Variants in HYDIN observed in about 807,000 individuals in gnomAD.
HYDIN encodes the protein HYDIN axonemal central pair apparatus protein, also known as axonemal central pair apparatus protein HYDIN.
HYDIN carries 132 observed loss-of-function variants against 403.9 expected under a neutral mutation model. That is an observed-to-expected ratio of 0.33 (90% CI 0.28 to 0.38). The LOEUF (loss-of-function observed/expected upper bound fraction) is 0.38, where lower values mean the gene tolerates loss of function less well. Among genes scored for constraint, HYDIN ranks in the 10% least tolerant of loss-of-function variants. The pLI, the probability that HYDIN is intolerant of heterozygous loss-of-function variation, is 1.00. For missense variants in HYDIN, 2,827 were observed against 5,009.5 expected (o/e 0.56, Z 13.15); for synonymous variants, 1,202 against 1,891.7 (o/e 0.64, Z 9.46).
chr16:70,933,145 C>G (rs1467790998), intron 45 of HYDIN, among the ~76,000 whole-genome samples: 2 of 151,958 alleles, frequency 1.3e-5, no homozygotes, highest in Admixed American at 6.5e-5. Context: ...CACAGTACCA[C>G]AGCAAAGACG....
rs201522018 is a variant in HYDIN, at chr16:70,879,093, T to C, written c.10557+204A>G. Among the ~76,000 whole-genome samples, 1,015 of 150,102 alleles carry C rather than the reference T, an allele frequency of 6.8e-3. 24 individuals carry two copies. In the East Asian group the frequency reaches 0.083, roughly 12 times the overall value. ...CACTACCTTGGACAGTAGTTAATGATATATTGTGGAATCTGGTTTCTTACT... is the reference window on the plus strand; with the variant it reads ...CACTACCTTGGACAGTAGTTAATGACATATTGTGGAATCTGGTTTCTTACT... On this transcript the variant is annotated intron_variant, in intron 62 of 85. Transcript: ENST00000393567.
intron 65 of HYDIN, among the ~76,000 whole-genome samples, chr16:70,870,140 G>A (rs1393044613): frequency 1.6e-4 from 24 of 151,612 alleles, no homozygotes; most frequent in African/African-American, 5.3e-4. Flanking sequence ...GCAGCAAGAC[G>A]TTCAAGAGGT....
At chr16:71,144,654 T>C (rs1040539051) in intron 7 of HYDIN, among the ~76,000 whole-genome samples, 1 of 151,960 alleles carries the variant, frequency 6.6e-6, no homozygotes, top group African/African-American at 2.4e-5. Context: ...ATATTAGATA[T>C]TGCTGAAACT....
At chr16:71,199,175 A>G (rs759884289) in intron 1 of HYDIN, among the ~76,000 whole-genome samples, 2 of 152,064 alleles carry the variant, frequency 1.3e-5, no homozygotes, top group African/African-American at 2.4e-5. Context: ...GCTTTTTTCT[A>G]TTAGGTTATC....
chr16:71,079,169 T>C (rs1257381068), intron 13 of HYDIN, among the ~76,000 whole-genome samples: 1 of 152,092 alleles, frequency 6.6e-6, no homozygotes, highest in Non-Finnish European at 1.5e-5. Flanking sequence ...CTACCTATGA[T>C]GGAGTTACAG....
intron 7 of HYDIN, among the ~76,000 whole-genome samples, 154 bp downstream of exon 7, chr16:71,152,505 C>T (rs956136521): frequency 2.0e-5 from 3 of 151,794 alleles, no homozygotes; most frequent in African/African-American, 7.3e-5. Flanking sequence ...TTTTATCCCT[C>T]ACCCTCCTCC....
At chr16:71,172,237 C>T (rs1597943398) in intron 5 of HYDIN, among the ~76,000 whole-genome samples, 1 of 152,214 alleles carries the variant, frequency 6.6e-6, no homozygotes, top group Non-Finnish European at 1.5e-5. Flanking sequence ...CACCCAGTTG[C>T]ACCACTGCAT....
At chr16:71,017,049 G>A (rs1034996102) in intron 23 of HYDIN, among the ~76,000 whole-genome samples, 7 of 152,040 alleles carry the variant, frequency 4.6e-5, no homozygotes, top group Admixed American at 6.6e-5. Context: ...GTTTAAAAGT[G>A]TTTGGCAGGG....
At chr16:70,835,482 T>C (rs1029743246) in intron 78 of HYDIN, among the ~76,000 whole-genome samples, 194 bp downstream of exon 78, 1 of 152,198 alleles carries the variant, frequency 6.6e-6, no homozygotes, top group Non-Finnish European at 1.5e-5. Context: ...ACAAAAACAG[T>C]GTGGGACTAG....
At chr16:71,040,487 AC>A (rs2081251481) in intron 18 of HYDIN, among the ~76,000 whole-genome samples, 1 of 53,174 alleles carries the variant, frequency 1.9e-5, no homozygotes, top group East Asian at 5.9e-4. Flanking sequence ...CCCTCCCCGC[AC>A]CCCCCTCCCC....
At chr16:71,217,057 T>C (rs1255340651) in intron 1 of HYDIN, among the ~76,000 whole-genome samples, 1 of 152,246 alleles carries the variant, frequency 6.6e-6, no homozygotes, top group Non-Finnish European at 1.5e-5. Context: ...TTTGGACAGG[T>C]TCCTGTAAGT....
chr16:70,973,174 C>T (rs1473547314), intron 35 of HYDIN, among the ~76,000 whole-genome samples, 169 bp downstream of exon 35: 1 of 152,226 alleles, frequency 6.6e-6, no homozygotes, highest in Admixed American at 6.5e-5. Context: ...TCCAGACCAC[C>T]AGGCCACACA....
intron 1 of HYDIN, among the ~76,000 whole-genome samples, chr16:71,206,554 CA>C (rs2088310364): frequency 1.3e-5 from 2 of 152,134 alleles, no homozygotes; most frequent in Non-Finnish European, 2.9e-5. Flanking sequence ...AGTTCTCCAG[CA>C]AGGGTTCTTA....
At chr16:70,908,570 G>C in intron 48 of HYDIN, 83 bp downstream of exon 48, 2 of 1,513,724 alleles carry the variant, frequency 1.3e-6, no homozygotes, top group Non-Finnish European at 1.8e-6. Context: ...GGACAGCTCT[G>C]TTCCCCTCCA....
At chr16:70,816,326 C>T (rs1335508789) in intron 84 of HYDIN, among the ~76,000 whole-genome samples, 2 of 151,986 alleles carry the variant, frequency 1.3e-5, no homozygotes, top group Admixed American at 1.3e-4. Context: ...TTAAGAAACT[C>T]TTCTAATAAC....
At position 70,862,221 on chromosome 16, in the gene HYDIN, C is replaced by A; in HGVS notation, c.11604G>T (p.Thr3868=). ...TGTCCAGGGTGCTGCCTGTATGCAT[C>A]GTGCCCTGACTAAGCTGATCTTTTT... is the stretch of plus-strand genomic sequence containing the variant. The part of the protein sequence containing the change: ...SAQKDQLSQG[T]MHTGSTLDST... The change falls in exon 69 of 86, where the codon ACG becomes ACT. Residue 3868 remains threonine (T), a synonymous_variant. Transcript: ENST00000393567. 1.2e-6 allele frequency: 2 copies of A among 1,613,444 alleles called. No homozygotes were observed. The highest frequency in any genetic ancestry group is 1.7e-6 in the Non-Finnish European group (2 of 1,179,956).
chr16:70,952,424 TG>T lies in HYDIN; in HGVS notation c.6527del (p.Pro2176HisfsTer29). 1 of 1,000,256 alleles carries T rather than the reference TG, an allele frequency of 1.0e-6. No homozygotes were observed. Among genetic ancestry groups the T allele is most frequent in the Non-Finnish European group, 1.4e-6 (1 of 695,164 alleles). 62.0% of individuals were successfully genotyped at this position (1,000,256 alleles called of 1,614,324 possible). On this transcript the variant is annotated frameshift_variant, in exon 41 of 86. Transcript: ENST00000393567. LOFTEE classifies it high-confidence loss of function. Reference protein sequence around the residue: ...KQHHSHQSETPQISSSPLPPG... With the variant: ...KQHHSHQSETXQISSSPLPPG... ...GCGGTAGAGCCCTGATTTGTACCTG[TG>T]GTGTTTCAGACTGGTGTGAGTGATG... is the stretch of plus-strand genomic sequence containing the variant.
intron 39 of HYDIN, among the ~76,000 whole-genome samples, chr16:70,959,043 C>T (rs1178605286): frequency 2.0e-5 from 3 of 151,702 alleles, no homozygotes; most frequent in African/African-American, 4.8e-5. Flanking sequence ...AATTACTATA[C>T]AAATAAGATT....
Position 70,809,825 on chromosome 16 carries a change from C to T in HYDIN, c.14841G>A (p.Lys4947=). 6.2e-7 allele frequency: 1 copy of T among 1,614,202 alleles called. No homozygotes were observed. Among genetic ancestry groups the T allele is most frequent in the African/African-American group, 1.3e-5 (1 of 75,050 alleles). The stretch of plus-strand genomic sequence containing the variant: ...TCCTCTGCCGTGTGTAATTGATGAA[C>T]TTCACAAGGATGATTTGGCTGCTGC... ...VLGSSQIILV[K]FINYTRQRTE... Residue 4947 remains lysine (K), a synonymous_variant, in exon 85 of 86, where the codon AAG becomes AAA. Transcript: ENST00000393567.
Sources: gnomAD v4.1 joint callset for allele counts (sites outside exome capture counted in the v4.1 genomes callset) on GRCh38, gnomAD v4.1.1 for gene constraint, MANE v1.5 for transcripts, NCBI Gene and HGNC (gene_info 2026-07-23, HGNC 2026-07-21) for gene names.